Variants in PRDM2 observed in about 807,000 individuals in gnomAD.
PRDM2 encodes PR domain zinc finger protein 2.
PRDM2 carries 30 observed loss-of-function variants against 130.0 expected under a neutral mutation model. The observed-to-expected ratio is 0.23, with a 90% CI of 0.17 to 0.31. The LOEUF (loss-of-function observed/expected upper bound fraction) is 0.31. PRDM2 is among the 10% of genes least tolerant of loss of function. The pLI is 1.00. For missense variants in PRDM2, 2,011 were observed against 2,108.4 expected (o/e 0.95, Z 0.90); for synonymous variants, 871 against 782.4 (o/e 1.11, Z -1.89).
Position 13,778,958 on chromosome 1 carries a change from A to C in PRDM2, c.1163A>C (p.His388Pro). ...HMHIHISTVN[H>P]AFKCKYCGKA... ...CATATCCATATATCCACCGTCAATC[A>C]TGCTTTCAAATGCAAGTACTGTGGG... is the stretch of plus-strand genomic sequence containing the variant. The change falls in exon 8 of 10, where the codon CAT becomes CCT. Residue 388 changes from histidine (H) to proline (P), a missense_variant. By Grantham distance (77) the His-to-Pro change is moderately conservative. This residue lies in a region of PRDM2 where 1,288 missense variants were observed against 1,237.7 expected (regional missense o/e 1.04). Transcript: ENST00000311066. 2 of 1,614,210 alleles carry C rather than the reference A, an allele frequency of 1.2e-6. No individual in the cohort carries two copies. Among genetic ancestry groups the C allele is most frequent in the Non-Finnish European group, 1.7e-6 (2 of 1,180,036 alleles).
intron 9 of PRDM2, among the ~76,000 whole-genome samples, chr1:13,819,294 C>A: frequency 6.6e-6 from 1 of 152,224 alleles, no homozygotes; most frequent in East Asian, 1.9e-4. Flanking sequence ...AATTTAGGCT[C>A]TGCCCCAGCA....
intron 7 of PRDM2, among the ~76,000 whole-genome samples, chr1:13,776,314 G>A (rs1393163914): frequency 6.6e-6 from 1 of 152,158 alleles, no homozygotes; most frequent in Non-Finnish European, 1.5e-5. Flanking sequence ...TGGAGAAGAA[G>A]TCAGAATAGC....
intron 8 of PRDM2, among the ~76,000 whole-genome samples, chr1:13,785,525 A>G (rs752397052): frequency 2.0e-5 from 3 of 152,170 alleles, no homozygotes; most frequent in Non-Finnish European, 2.9e-5. Flanking sequence ...ACTGAGGGTC[A>G]TTTCCTGGAA....
intron 6 of PRDM2, among the ~76,000 whole-genome samples, chr1:13,760,971 A>G (rs952670363): frequency 2.0e-5 from 3 of 152,256 alleles, no homozygotes; most frequent in Admixed American, 1.3e-4. Context: ...AGTTAAGAGT[A>G]AAGGGCCTGT....
intron 4 of PRDM2, among the ~76,000 whole-genome samples, chr1:13,735,275 A>C (rs1362212611): frequency 6.6e-6 from 1 of 152,220 alleles, no homozygotes; most frequent in African/African-American, 2.4e-5. Context: ...CCTCAGGGTG[A>C]ATGCACAAAA....
chr1:13,797,076 A>G (rs148964148), intron 8 of PRDM2, among the ~76,000 whole-genome samples: 22 of 152,304 alleles, frequency 1.4e-4, no homozygotes, highest in African/African-American at 3.8e-4. Context: ...TAAATAATCT[A>G]TTTGGTGCCA....
chr1:13,818,039 G>A (rs904422564), intron 9 of PRDM2, among the ~76,000 whole-genome samples: 1 of 152,166 alleles, frequency 6.6e-6, no homozygotes, highest in Non-Finnish European at 1.5e-5. Context: ...TGTTGAATAC[G>A]GGGTTAATGG....
At chr1:13,813,376 G>A (rs957387612) in intron 8 of PRDM2, among the ~76,000 whole-genome samples, 1 of 152,164 alleles carries the variant, frequency 6.6e-6, no homozygotes, top group African/African-American at 2.4e-5. Flanking sequence ...GCTCTCATGA[G>A]TTCTTTGACA....
At chr1:13,733,788 A>G (rs1485966604) in intron 4 of PRDM2, among the ~76,000 whole-genome samples, 4 of 152,142 alleles carry the variant, frequency 2.6e-5, no homozygotes, top group Non-Finnish European at 5.9e-5. Flanking sequence ...TGAGTTCTTA[A>G]AGGAGCTCCA....
intron 6 of PRDM2, among the ~76,000 whole-genome samples, chr1:13,760,343 A>AC (rs1019544027): frequency 4.6e-5 from 7 of 152,182 alleles, no homozygotes; most frequent in Admixed American, 3.3e-4. Flanking sequence ...TAAAAAAAAA[A>AC]CCTGCCTAAA....
At chr1:13,807,020 C>T (rs1645096252) in intron 8 of PRDM2, among the ~76,000 whole-genome samples, 2 of 152,176 alleles carry the variant, frequency 1.3e-5, no homozygotes, top group African/African-American at 4.8e-5. Context: ...CCACTCTGAC[C>T]TTCACTCCTG....
intron 8 of PRDM2, chr1:13,788,069 C>A (rs1318772934): frequency 2.0e-6 from 2 of 976,844 alleles, no homozygotes; most frequent in East Asian, 2.3e-4. Context: ...CAATAAAAAA[C>A]TTTCTAAACA....
intron 4 of PRDM2, among the ~76,000 whole-genome samples, chr1:13,739,351 A>G (rs925703509): frequency 6.6e-6 from 1 of 152,038 alleles, no homozygotes; most frequent in Non-Finnish European, 1.5e-5. Context: ...CCTGGCCTAT[A>G]AATGCTTTAT....
At chr1:13,787,891 G>C (rs1644773674) in intron 8 of PRDM2, 1 of 984,702 alleles carries the variant, frequency 1.0e-6, no homozygotes, top group African/African-American at 1.7e-5. Context: ...CTGAGAGAGA[G>C]AGAGGTTAAT....
At chr1:13,702,499 T>A (rs1042983863) in intron 1 of PRDM2, among the ~76,000 whole-genome samples, 2 of 152,178 alleles carry the variant, frequency 1.3e-5, no homozygotes, top group African/African-American at 4.8e-5. Flanking sequence ...TAAATAAGCA[T>A]TTTTCTTGCG....
In PRDM2 at chr1:13,738,331, C is replaced by T. The variant is rs1207845676; in HGVS notation, c.232-3674C>T. Among the ~76,000 whole-genome samples the T allele has an allele frequency of 3.9e-5, 6 of 152,024 alleles. 1 individual carries two copies. Among genetic ancestry groups the T allele is most frequent in the East Asian group, 3.9e-4 (2 of 5,190 alleles). On this transcript the variant is annotated intron_variant, in intron 4 of 9. Transcript: ENST00000311066. ...CACAAAATTTTGCATGTTACTTATA[C>T]GGTTATATGGGATTCTTAAACATCT...
chr1:13,808,227 C>T (rs145756194), intron 8 of PRDM2, among the ~76,000 whole-genome samples: 1,680 of 152,194 alleles, frequency 0.011, 26 homozygotes, highest in African/African-American at 0.038. Flanking sequence ...CGCGGTGGCT[C>T]ACGCCTGTAA....
intron 5 of PRDM2, among the ~76,000 whole-genome samples, chr1:13,747,775 A>G (rs1643658019): frequency 6.6e-6 from 1 of 150,876 alleles, no homozygotes; most frequent in Non-Finnish European, 1.5e-5. Context: ...CCCGCAAAAA[A>G]AAAAAAAAAA....
At chr1:13,782,861 AC>A in intron 8 of PRDM2, 30 bp downstream of exon 8, 2 of 1,604,716 alleles carry the variant, frequency 1.2e-6, no homozygotes, top group Non-Finnish European at 1.7e-6. Context: ...GGAGGGAAAG[AC>A]CGGGAAGGCG....
Sources: gnomAD v4.1 joint callset for allele counts (sites outside exome capture counted in the v4.1 genomes callset) on GRCh38, gnomAD v4.1.1 for gene constraint, gnomAD v4.1.1 regional missense constraint, MANE v1.5 for transcripts, NCBI Gene and HGNC (gene_info 2026-07-23, HGNC 2026-07-21) for gene names.